The following RHOC variants were observed in gnomAD, a reference collection of about 807,000 sequenced individuals.
RHOC encodes the protein rho-related GTP-binding protein RhoC.
RHOC carries 13 observed loss-of-function variants against 19.5 expected under a neutral mutation model. The ratio of observed to expected loss-of-function variants is 0.67; its 90% CI spans 0.43 to 1.06. The LOEUF (loss-of-function observed/expected upper bound fraction) is 1.06. Among genes scored for constraint, RHOC ranks in the 50% least tolerant of loss-of-function variants. The pLI is 0.00. For missense variants in RHOC, 173 were observed against 256.9 expected (o/e 0.67, Z 2.23); for synonymous variants, 106 against 97.3 (o/e 1.09, Z -0.52).
Position 112,703,111 on chromosome 1 carries a change from C to G in RHOC, c.165G>C (p.Leu55=). Reference sequence around the variant, plus strand: ...CCTGCCCTGCTGTGTCCCACAGAGCCAGCTCCACCTGACACACAGGGCCAG... The same window carrying G: ...CCTGCCCTGCTGTGTCCCACAGAGCGAGCTCCACCTGACACACAGGGCCAG... The part of the protein sequence containing the change: ...DIEVDGKQVE[L]ALWDTAGQED... Residue 55 remains leucine (L), a synonymous_variant, in exon 4 of 6, where the codon CTG becomes CTC. Coordinates refer to ENST00000339083, the MANE Select transcript of RHOC (RefSeq NM_175744.5). The G allele has an allele frequency of 6.2e-7, 1 of 1,614,090 alleles. No individual in the cohort carries two copies. The highest frequency in any genetic ancestry group is 8.5e-7 in the Non-Finnish European group (1 of 1,179,998).
In RHOC at chr1:112,703,131, G is replaced by A. The variant is rs1156955617; in HGVS notation, c.157-12C>T. The A allele has an allele frequency of 1.9e-6, 3 of 1,613,798 alleles. No homozygotes were observed. Among genetic ancestry groups the A allele is most frequent in the East Asian group, 2.2e-5 (1 of 44,878 alleles). On this transcript the variant is annotated splice_polypyrimidine_tract_variant and intron_variant, in intron 3 of 5. Transcript: ENST00000339083. The stretch of plus-strand genomic sequence containing the variant: ...AGAGCCAGCTCCACCTGACACACAG[G>A]GCCAGTGAGTAGCTGGCCTGAGGGC...
At chr1:112,701,971 A>G (rs891821230) in intron 5 of RHOC, among the ~76,000 whole-genome samples, 1 of 151,548 alleles carries the variant, frequency 6.6e-6, no homozygotes, top group Admixed American at 6.6e-5. Context: ...AGCGTCTCCC[A>G]CCTCCTGACT....
intron 5 of RHOC, 43 bp from the exon 6 acceptor site, chr1:112,701,756 A>C: frequency 6.3e-7 from 1 of 1,597,140 alleles, no homozygotes; most frequent in Non-Finnish European, 8.6e-7. Flanking sequence ...GCTGTTGACT[A>C]CATGAACCTC....
chr1:112,706,430 T>TACACACACACAC (rs149206424), intron 1 of RHOC, among the ~76,000 whole-genome samples: 970 of 49,696 alleles, frequency 0.02, 96 homozygotes, highest in Non-Finnish European at 0.031. Flanking sequence ...TCTCTCTCTC[T>TACACACACACAC]ACACACACAC....
rs1480599776 is a variant in RHOC at position 112,701,536 on chromosome 1, G to GA, written c.*3dup. On this transcript the variant is annotated 3_prime_UTR_variant, in exon 6 of 6. Coordinates refer to ENST00000339083, the MANE Select transcript of RHOC (RefSeq NM_175744.5). ...GGGGGCATGTAGGAAAGGCCTTGGGGATCTCAGAGAATGGGACAGCCCCTC... is the reference window on the plus strand; with the variant it reads ...GGGGGCATGTAGGAAAGGCCTTGGGGAATCTCAGAGAATGGGACAGCCCCTC... The GA allele has an allele frequency of 3.1e-6, 5 of 1,613,994 alleles. No homozygotes were observed. The highest frequency in any genetic ancestry group is 3.4e-6 in the Non-Finnish European group (4 of 1,179,982).
chr1:112,703,815 A>C lies in RHOC; in HGVS notation c.-7-9T>G. 6.2e-7 allele frequency: 1 copy of C among 1,605,704 alleles called. No homozygotes were observed. Among genetic ancestry groups the C allele is most frequent in the African/African-American group, 1.3e-5 (1 of 75,004 alleles). ...TTGCAGCCATGGTGGGGCTGCCAGGAAAGACGTATTGGGGATTTGAGGAAA... is the reference window on the plus strand; with the variant it reads ...TTGCAGCCATGGTGGGGCTGCCAGGCAAGACGTATTGGGGATTTGAGGAAA... On this transcript the variant is annotated splice_polypyrimidine_tract_variant and intron_variant, in intron 2 of 5. Coordinates refer to ENST00000339083, the MANE Select transcript of RHOC (RefSeq NM_175744.5).
chr1:112,704,866 A>G, intron 2 of RHOC: 1 of 578,426 alleles, frequency 1.7e-6, no homozygotes, highest in Non-Finnish European at 3.1e-6. Flanking sequence ...CAGCACAGTG[A>G]CTGAGAAGAA....
At chr1:112,706,746 C>A (rs1207192515) in intron 1 of RHOC, 1 of 152,036 alleles carries the variant, frequency 6.6e-6, no homozygotes, top group African/African-American at 2.4e-5. Context: ...GGGGCTGGGG[C>A]GTCTGAGTTG....
chr1:112,707,382 C>CA (rs540750844), upstream of RHOC: 4 of 152,646 alleles, frequency 2.6e-5, no homozygotes, highest in African/African-American at 9.6e-5. Flanking sequence ...CGGGTGGACT[C>CA]AGACTCTGCC....
intron 4 of RHOC, 136 bp from the exon 5 acceptor site, chr1:112,702,829 C>T: frequency 7.3e-7 from 1 of 1,374,864 alleles, no homozygotes; most frequent in East Asian, 2.3e-5. Flanking sequence ...AAAACCTCAA[C>T]AGTAGTATGC....
Position 112,703,713 on chromosome 1 carries a change from C to G in RHOC, c.87G>C (p.Gln29His). The change falls in exon 3 of 6, where the codon CAG (glutamine) becomes CAC (histidine). Residue 29 changes from glutamine (Q) to histidine (H), a missense_variant. Physicochemically the swap from Gln to His is conservative, Grantham distance 24. Coordinates refer to ENST00000339083, the MANE Select transcript of RHOC (RefSeq NM_175744.5). Reference protein sequence around the residue: ...TCLLIVFSKDQFPEVYVPTVF... With the variant: ...TCLLIVFSKDHFPEVYVPTVF... ...CAGTAGGGACGTAGACCTCCGGAAA[C>G]TGATCCTTGCTGAAGACGATGAGGA... 6.2e-7 allele frequency: 1 copy of G among 1,613,580 alleles called. No individual in the cohort carries two copies. Among genetic ancestry groups the G allele is most frequent in the Non-Finnish European group, 8.5e-7 (1 of 1,179,878 alleles).
Position 112,702,672 on chromosome 1 carries a change from G to C in RHOC, c.299C>G (p.Thr100Ser), listed in dbSNP as rs754946696. Reference sequence around the variant, plus strand: ...GGGGCAGAAGTGCTTCACCTCTGGGGTCCACTTCTCAGGAATGTTTTCTGT... The same window carrying C: ...GGGGCAGAAGTGCTTCACCTCTGGGCTCCACTTCTCAGGAATGTTTTCTGT... ...DSLENIPEKWTPEVKHFCPNV... is the reference protein window; with the variant it reads ...DSLENIPEKWSPEVKHFCPNV... The change falls in exon 5 of 6, where the codon ACC (threonine) becomes AGC (serine). Residue 100 changes from threonine (T) to serine (S), a missense_variant. By Grantham distance (58) the Thr-to-Ser change is moderately conservative (BLOSUM62 1). Coordinates refer to ENST00000339083, the MANE Select transcript of RHOC (RefSeq NM_175744.5). The C allele has an allele frequency of 6.2e-7, 1 of 1,614,116 alleles. No homozygotes were observed. Among genetic ancestry groups the C allele is most frequent in the Non-Finnish European group, 8.5e-7 (1 of 1,179,998 alleles).
intron 5 of RHOC, 35 bp from the exon 6 acceptor site, chr1:112,701,748 T>C (rs1019776729): frequency 6.2e-7 from 1 of 1,609,334 alleles, no homozygotes; most frequent in Non-Finnish European, 8.5e-7. Flanking sequence ...CAAAGGAAGC[T>C]GTTGACTACA....
chr1:112,705,040 C>T, intron 2 of RHOC, 60 bp downstream of exon 2: 1 of 701,694 alleles, frequency 1.4e-6, no homozygotes. Context: ...AGCATCTGCA[C>T]AGTTCATCAC....
At chr1:112,702,331 C>G (rs1224585801) in intron 5 of RHOC, among the ~76,000 whole-genome samples, 2 of 152,210 alleles carry the variant, frequency 1.3e-5, no homozygotes, top group Admixed American at 1.3e-4. Context: ...AGTCCCAATT[C>G]TGAACGGAAT....
At chr1:112,701,834 G>T in intron 5 of RHOC, 121 bp from the exon 6 acceptor site, 1 of 1,053,364 alleles carries the variant, frequency 9.5e-7, no homozygotes, top group Non-Finnish European at 1.4e-6. Flanking sequence ...CCCAGAAAGC[G>T]CCCAGGCCCC....
chr1:112,705,909 G>A (rs1674820210), intron 1 of RHOC: 1 of 337,884 alleles, frequency 3.0e-6, no homozygotes, highest in Admixed American at 3.8e-5. Flanking sequence ...AGAAACCCGG[G>A]GTTGAGGCAT....
Position 112,703,027 on chromosome 1 carries a change from G to A in RHOC, c.249C>T (p.Cys83=), listed in dbSNP as rs1360853361. The change falls in exon 4 of 6, where the codon TGC becomes TGT. Residue 83 remains cysteine (C), a synonymous_variant. Transcript: ENST00000339083. ...SYPDTDVILM[C]FSIDSPDSLE... ...GGCTGTCAGGGCTGTCGATGGAGAA[G>A]CACATGAGGATGACATCAGTGTCCG... The A allele has an allele frequency of 6.2e-7, 1 of 1,614,086 alleles. No homozygotes were observed. Among genetic ancestry groups the A allele is most frequent in the Non-Finnish European group, 8.5e-7 (1 of 1,180,014 alleles).
chr1:112,706,464 CCACACACA>C (rs57078670), intron 1 of RHOC, among the ~76,000 whole-genome samples: 75 of 23,004 alleles, frequency 3.3e-3, no homozygotes, highest in African/African-American at 0.015. Context: ...CACACACACA[CCACACACA>C]CACACACACA....
Sources: allele counts gnomAD v4.1 joint callset (sites outside exome capture counted in the v4.1 genomes callset), GRCh38; gene constraint gnomAD v4.1.1; transcripts MANE v1.5; gene names NCBI Gene and HGNC (gene_info 2026-07-23, HGNC 2026-07-21).